The following TRPC1 variants were observed in gnomAD, a reference collection of about 807,000 sequenced individuals.
TRPC1 encodes transient receptor potential cation channel subfamily C member 1.
Under a neutral mutation model 88.2 loss-of-function variants are expected in TRPC1, and 42 were observed. The observed-to-expected ratio is 0.48, with a 90% CI of 0.37 to 0.62. TRPC1 has a LOEUF of 0.62. Among genes scored for constraint, TRPC1 ranks in the 20% least tolerant of loss-of-function variants. The probability of loss-of-function intolerance (pLI) is 0.00; values close to 1 mark genes in which losing one functional copy is unlikely to be tolerated. For synonymous variants in TRPC1, 288 were observed against 331.8 expected, an observed-to-expected ratio of 0.87 and a Z score of 1.43; for missense variants, 699 against 957.3, an observed-to-expected ratio of 0.73 and a Z score of 3.56.
At chr3:142,799,889 G>T (rs900318263) in intron 9 of TRPC1, among the ~76,000 whole-genome samples, 7 of 152,036 alleles carry the variant, frequency 4.6e-5, no homozygotes, top group African/African-American at 1.7e-4. Context: ...TATTGAACTC[G>T]ATTACATTTA....
intron 1 of TRPC1, among the ~76,000 whole-genome samples, chr3:142,728,324 T>C (rs1350106868): frequency 6.9e-6 from 1 of 144,140 alleles, no homozygotes; most frequent in Non-Finnish European, 1.5e-5. Context: ...AATGTTTTGA[T>C]GACTGTATTT....
chr3:142,748,437 A>G lies in TRPC1; in HGVS notation c.609A>G (p.Lys203=), dbSNP rs773004217. 2 of 1,614,130 alleles carry G rather than the reference A, an allele frequency of 1.2e-6. No homozygotes were observed. The highest frequency in any genetic ancestry group is 1.7e-6 in the Non-Finnish European group (2 of 1,179,966). ...CECTLCSAKN[K]KDSLRHSRFR... ...GCACATTGTGTTCTGCAAAAAACAAAAAGGATAGCCTCCGGCATTCCAGGT... is the reference window on the plus strand; with the variant it reads ...GCACATTGTGTTCTGCAAAAAACAAGAAGGATAGCCTCCGGCATTCCAGGT... The change falls in exon 4 of 13, where the codon AAA becomes AAG. Residue 203 remains lysine, a synonymous_variant. Transcript: ENST00000476941.
chr3:142,769,579 GTCT>G (rs925217314), intron 4 of TRPC1, among the ~76,000 whole-genome samples: 10 of 151,926 alleles, frequency 6.6e-5, no homozygotes, highest in African/African-American at 2.4e-4. Flanking sequence ...TATATGTTGC[GTCT>G]TCATTTTCTT....
chr3:142,774,327 T>C (rs1369361960), intron 4 of TRPC1, among the ~76,000 whole-genome samples: 2 of 152,262 alleles, frequency 1.3e-5, no homozygotes. Context: ...TTTATGGCTT[T>C]CTTATTTCCA....
chr3:142,782,830 GTACA>G (rs749904563), intron 6 of TRPC1, among the ~76,000 whole-genome samples: 3 of 152,172 alleles, frequency 2.0e-5, no homozygotes, highest in Non-Finnish European at 2.9e-5. Flanking sequence ...GCTGGCTGGG[GTACA>G]TACATGTGAC....
chr3:142,725,004 A>C (rs1208625519), intron 1 of TRPC1, among the ~76,000 whole-genome samples: 1 of 151,968 alleles, frequency 6.6e-6, no homozygotes, highest in Non-Finnish European at 1.5e-5. Context: ...GCGCCTTGGG[A>C]GCCCCGACCC....
chr3:142,769,879 G>A (rs1322281949), intron 4 of TRPC1, among the ~76,000 whole-genome samples: 1 of 152,070 alleles, frequency 6.6e-6, no homozygotes, highest in South Asian at 2.1e-4. Flanking sequence ...TTCTGTAGAT[G>A]TCTGTTACGT....
At chr3:142,750,032 A>C (rs568198326) in intron 4 of TRPC1, among the ~76,000 whole-genome samples, 69 of 152,344 alleles carry the variant, frequency 4.5e-4, no homozygotes, top group Non-Finnish European at 9.1e-4. Context: ...CATGACTAAA[A>C]CACCAAAAGC....
intron 4 of TRPC1, among the ~76,000 whole-genome samples, chr3:142,750,266 A>G (rs948068096): frequency 6.6e-6 from 1 of 152,368 alleles, no homozygotes; most frequent in South Asian, 2.1e-4. Flanking sequence ...ATATGAACAG[A>G]CACTTGTCAA....
intron 9 of TRPC1, among the ~76,000 whole-genome samples, chr3:142,797,072 A>G (rs1052286303): frequency 1.4e-5 from 2 of 146,470 alleles, no homozygotes; most frequent in African/African-American, 5.3e-5. Context: ...CAGTGCTATG[A>G]TAAGAAGTCC....
rs149982606 is a variant in TRPC1, at chr3:142,765,482, G to A, written c.633-12150G>A. On this transcript the variant is annotated intron_variant, in intron 4 of 12. Transcript: ENST00000476941. ...CAACACAAAAACAGACATATAGACC[G>A]ATGGAACAGAATAGAGAATCCAGAA... Among the ~76,000 whole-genome samples, 19 of 152,080 alleles carry A rather than the reference G, an allele frequency of 1.2e-4. No homozygotes were observed. The East Asian group carries it at 1.3e-3, about 11-fold the overall frequency.
intron 7 of TRPC1, among the ~76,000 whole-genome samples, chr3:142,790,563 G>C (rs911701265): frequency 6.6e-6 from 1 of 152,170 alleles, no homozygotes; most frequent in East Asian, 1.9e-4. Flanking sequence ...ATTAGATTGG[G>C]TGAGATCATT....
chr3:142,804,275 G>A, intron 11 of TRPC1, 97 bp downstream of exon 11: 1 of 1,202,214 alleles, frequency 8.3e-7, no homozygotes. Flanking sequence ...TATAAGAATT[G>A]AAAAATAGTA....
At chr3:142,750,764 A>G (rs60187044) in intron 4 of TRPC1, among the ~76,000 whole-genome samples, 1,828 of 152,298 alleles carry the variant, frequency 0.012, 46 homozygotes, top group East Asian at 0.089. Flanking sequence ...TGTCCTTTGC[A>G]GGGACATGGA....
chr3:142,757,119 C>T (rs567523224), intron 4 of TRPC1, among the ~76,000 whole-genome samples: 1 of 152,248 alleles, frequency 6.6e-6, no homozygotes, highest in East Asian at 1.9e-4. Context: ...AAAATCCATT[C>T]ATCCATTGAT....
At chr3:142,794,085 T>A in intron 9 of TRPC1, 1 of 162,318 alleles carries the variant, frequency 6.2e-6, no homozygotes, top group Non-Finnish European at 1.3e-5. Flanking sequence ...TAAAGTCATT[T>A]AACCTCATAC....
At position 142,792,686 on chromosome 3, in the gene TRPC1, A is replaced by G. The variant is rs1012648980; in HGVS notation, c.1438-138A>G. On this transcript the variant is annotated intron_variant, in intron 8 of 12. Coordinates refer to ENST00000476941, the MANE Select transcript of TRPC1 (RefSeq NM_001251845.2). This position sits in a 1 kb window ranked among gnomAD's most constrained non-coding sequence, Gnocchi z 4.0. ...AAAATATTATTTCTATTTTTAAAAA[A>G]CCCTATAAAACATAAGTGGAGATCC... 6 of 606,552 alleles carry G rather than the reference A, an allele frequency of 9.9e-6. No homozygotes were observed. In the Admixed American group the frequency reaches 2.5e-4, roughly 25 times the overall value. The allele number at this position is 606,552 out of a possible 1,614,324, so 37.6% of individuals were successfully genotyped here. A position where few individuals can be genotyped will look rare whatever the true frequency, so the allele number is the denominator to read the frequency against.
At position 142,787,060 on chromosome 3, in the gene TRPC1, G is replaced by A. The variant is rs149386036; in HGVS notation, c.1297+2020G>A. 2.9e-4 allele frequency among the ~76,000 whole-genome samples: 44 copies of A among 152,204 alleles called. No homozygotes were observed. In the East Asian group the frequency reaches 6.4e-3, roughly 22 times the overall value. On this transcript the variant is annotated intron_variant, in intron 7 of 12. Transcript: ENST00000476941. ...GATGCTGTTTTCAATGATATTACAC[G>A]TATATATACATGGGTACCCCCTTAC...
In TRPC1 at chr3:142,724,708, T is replaced by C. The variant is rs1380235201; in HGVS notation, c.149T>C (p.Leu50Pro). 1 of 1,599,922 alleles carries C rather than the reference T, an allele frequency of 6.3e-7. No individual in the cohort carries two copies. Among genetic ancestry groups the C allele is most frequent in the East Asian group, 2.3e-5 (1 of 43,928 alleles). The change falls in exon 1 of 13, where the codon CTT (leucine) becomes CCT (proline). Residue 50 changes from leucine to proline, a missense_variant. Transcript: ENST00000476941. The surrounding 1 kb of genome is among the most constrained non-coding windows in gnomAD (Gnocchi z 5.6). ...GAGGAGAATACGCTGAATGAGAAGC[T>C]TTTCTTGCTGGCGTGCGACAAGGGT... The part of the protein sequence containing the change: ...VKEENTLNEK[L>P]FLLACDKGDY...
Sources: allele counts gnomAD v4.1 joint callset (sites outside exome capture counted in the v4.1 genomes callset), GRCh38; gene constraint gnomAD v4.1.1; non-coding constraint Gnocchi (gnomAD v3.1); transcripts MANE v1.5; gene names NCBI Gene and HGNC (gene_info 2026-07-23, HGNC 2026-07-21).